NCKAP5: variants seen among roughly 807,000 people sequenced by gnomAD.
NCKAP5 encodes the protein nck-associated protein 5.
Under a neutral mutation model 167.0 loss-of-function variants are expected in NCKAP5, and 92 were observed. That is an observed-to-expected ratio of 0.55 (90% confidence interval 0.47 to 0.66). The LOEUF (loss-of-function observed/expected upper bound fraction) is 0.66. NCKAP5 is among the 30% of genes least tolerant of loss of function. The probability of loss-of-function intolerance (pLI) is 0.00; values close to 1 mark genes in which losing one functional copy is unlikely to be tolerated. For synonymous variants in NCKAP5, 891 were observed against 877.4 expected, an observed-to-expected ratio of 1.02 and a Z score of -0.27; for missense variants, 2,378 against 2,315.0, an observed-to-expected ratio of 1.03 and a Z score of -0.56.
At chr2:133,044,812 G>A (rs1390527115) in intron 6 of NCKAP5, among the ~76,000 whole-genome samples, 1 of 152,148 alleles carries the variant, frequency 6.6e-6, no homozygotes, top group Non-Finnish European at 1.5e-5. Flanking sequence ...GCACATGCCT[G>A]TAATCTAATC....
chr2:132,852,444 G>A (rs1689146733), intron 11 of NCKAP5, among the ~76,000 whole-genome samples: 1 of 152,134 alleles, frequency 6.6e-6, no homozygotes, highest in South Asian at 2.1e-4. Flanking sequence ...TCTTAATCCA[G>A]TTTAACTATA....
intron 16 of NCKAP5, among the ~76,000 whole-genome samples, chr2:132,757,112 C>G (rs1680617977): frequency 6.6e-6 from 1 of 152,294 alleles, no homozygotes; most frequent in African/African-American, 2.4e-5. Flanking sequence ...TGCTCTTCCC[C>G]CTTCCTGAAA....
chr2:133,053,926 A>G (rs1024207877), intron 6 of NCKAP5, among the ~76,000 whole-genome samples: 3 of 152,262 alleles, frequency 2.0e-5, no homozygotes, highest in African/African-American at 4.8e-5. Flanking sequence ...TATATAATTT[A>G]ACTTCAAAAT....
At chr2:133,326,092 G>A (rs1682418709) in intron 3 of NCKAP5, among the ~76,000 whole-genome samples, 1 of 152,112 alleles carries the variant, frequency 6.6e-6, no homozygotes. Context: ...CTGGACAGTG[G>A]GCCACTTTAG....
At chr2:133,445,824 C>A (rs977067917) in intron 3 of NCKAP5, among the ~76,000 whole-genome samples, 1 of 151,926 alleles carries the variant, frequency 6.6e-6, no homozygotes, top group Non-Finnish European at 1.5e-5. Context: ...GAGCAGCTTG[C>A]GATAATGTGA....
At chr2:133,074,295 A>T (rs1016551785) in intron 6 of NCKAP5, among the ~76,000 whole-genome samples, 8 of 152,250 alleles carry the variant, frequency 5.3e-5, no homozygotes, top group Non-Finnish European at 1.2e-4. Context: ...ATGAAAAAAA[A>T]AACAAGAACT....
intron 6 of NCKAP5, among the ~76,000 whole-genome samples, chr2:133,049,892 G>T (rs920172622): frequency 6.6e-6 from 1 of 152,168 alleles, no homozygotes; most frequent in African/African-American, 2.4e-5. Context: ...AGAGCCAAAA[G>T]GTGTATGAAC....
intron 8 of NCKAP5, among the ~76,000 whole-genome samples, chr2:132,942,777 C>A (rs772653205): frequency 3.3e-5 from 5 of 152,178 alleles, no homozygotes; most frequent in Non-Finnish European, 5.9e-5. Flanking sequence ...CAAATGTTCT[C>A]CTGCTGCACT....
intron 6 of NCKAP5, among the ~76,000 whole-genome samples, chr2:133,089,407 CAT>C (rs2081099077): frequency 6.6e-6 from 1 of 152,170 alleles, no homozygotes; most frequent in South Asian, 2.1e-4. Context: ...GTATGTGAAT[CAT>C]AGTTTCCCAT....
At chr2:133,061,261 G>T (rs998021619) in intron 6 of NCKAP5, among the ~76,000 whole-genome samples, 3 of 152,184 alleles carry the variant, frequency 2.0e-5, no homozygotes, top group Non-Finnish European at 4.4e-5. Flanking sequence ...AATTTTGAAA[G>T]AAGTTCTACT....
At chr2:133,338,194 G>C (rs1683341273) in intron 3 of NCKAP5, among the ~76,000 whole-genome samples, 2 of 152,080 alleles carry the variant, frequency 1.3e-5, no homozygotes, top group African/African-American at 4.8e-5. Context: ...TACCATCACA[G>C]ACATTTGGTT....
At chr2:133,424,290 G>C (rs73957093) in intron 3 of NCKAP5, among the ~76,000 whole-genome samples, 257 of 152,278 alleles carry the variant, frequency 1.7e-3, no homozygotes, top group African/African-American at 5.9e-3. Flanking sequence ...AGGCCTCAGA[G>C]GTTTCCCAAT....
At chr2:133,628,347 C>A in the NCKAP5 span, among the ~76,000 whole-genome samples, 1 of 152,040 alleles carries the variant, frequency 6.6e-6, no homozygotes, top group African/African-American at 2.4e-5. Context: ...TGTACACCAA[C>A]AGCAGTCAAG....
intron 4 of NCKAP5, among the ~76,000 whole-genome samples, chr2:133,300,154 A>G (rs1479376531): frequency 8.1e-6 from 1 of 123,002 alleles, no homozygotes; most frequent in Non-Finnish European, 1.7e-5. Flanking sequence ...CCAACCAAAA[A>G]GAGTCCAGGA....
intron 6 of NCKAP5, among the ~76,000 whole-genome samples, chr2:133,018,496 T>C (rs770616955): frequency 3.3e-5 from 5 of 152,234 alleles, no homozygotes; most frequent in Non-Finnish European, 5.9e-5. Context: ...CTAGATTTAA[T>C]ATCTACTACT....
chr2:133,546,625 G>A (rs146358097), intron 2 of NCKAP5, among the ~76,000 whole-genome samples: 38 of 152,190 alleles, frequency 2.5e-4, no homozygotes, highest in African/African-American at 8.7e-4. Context: ...CCCACCCTGT[G>A]CCTAGAATAT....
chr2:132,759,117 G>A (rs1680793021), intron 16 of NCKAP5, among the ~76,000 whole-genome samples: 1 of 150,602 alleles, frequency 6.6e-6, no homozygotes, highest in Admixed American at 6.6e-5. Context: ...GCTACAATTG[G>A]CTTTTTTTTT....
intron 9 of NCKAP5, 145 bp downstream of exon 9, chr2:132,878,703 C>A: frequency 1.5e-6 from 1 of 678,082 alleles, no homozygotes. Context: ...ACTTCCTTTT[C>A]AATGGCTACA....
rs531002256 is a variant in NCKAP5, at chr2:133,040,262, C to T, written c.342-46023G>A. ...CTCCAACTAGACTGTCTAGTTCTTG[C>T]GCTTTTATATTAGGTTGGTGCAAAA... On this transcript the variant is annotated intron_variant, in intron 6 of 19. Transcript: ENST00000409261. 4.6e-5 allele frequency among the ~76,000 whole-genome samples: 7 copies of T among 152,134 alleles called. No homozygotes were observed. In the South Asian group the frequency reaches 6.2e-4, roughly 14 times the overall value.
Sources: allele counts gnomAD v4.1 joint callset (sites outside exome capture counted in the v4.1 genomes callset), GRCh38; gene constraint gnomAD v4.1.1; transcripts MANE v1.5; gene names NCBI Gene and HGNC (gene_info 2026-07-23, HGNC 2026-07-21).